The following SRC variants were observed in gnomAD, a reference collection of about 807,000 sequenced individuals.
SRC encodes the protein proto-oncogene tyrosine-protein kinase Src.
SRC carries 13 observed loss-of-function variants against 62.9 expected under a neutral mutation model. The observed-to-expected ratio is 0.21, with a 90% CI of 0.13 to 0.33. The LOEUF (loss-of-function observed/expected upper bound fraction) is 0.33, where lower values mean the gene tolerates loss of function less well. SRC is among the 10% of genes least tolerant of loss of function. The pLI is 1.00. For missense variants in SRC, 457 were observed against 737.3 expected (o/e 0.62, Z 4.40); for synonymous variants, 302 against 317.5 (o/e 0.95, Z 0.52).
At chr20:37,389,215 C>T (rs1286533156) in intron 5 of SRC, among the ~76,000 whole-genome samples, 1 of 152,146 alleles carries the variant, frequency 6.6e-6, no homozygotes, top group Non-Finnish European at 1.5e-5. Flanking sequence ...GGTCTGACTG[C>T]CTCAAGCTCC....
chr20:37,360,218 C>CTCTTTTTTTT (rs1273945378), intron 1 of SRC, among the ~76,000 whole-genome samples: 4 of 105,632 alleles, frequency 3.8e-5, no homozygotes, highest in African/African-American at 1.4e-4. Flanking sequence ...CTCTCTCTCT[C>CTCTTTTTTTT]TTTTTTTTTT....
intron 5 of SRC, among the ~76,000 whole-genome samples, chr20:37,388,918 A>C (rs1877934649): frequency 6.6e-6 from 1 of 152,098 alleles, no homozygotes; most frequent in Non-Finnish European, 1.5e-5. Context: ...TCCTTCCTCC[A>C]TCAGTGCTCA....
intron 5 of SRC, among the ~76,000 whole-genome samples, chr20:37,393,280 C>T (rs995414283): frequency 6.6e-6 from 1 of 152,208 alleles, no homozygotes; most frequent in Non-Finnish European, 1.5e-5. Context: ...GCCGAGGAGC[C>T]CTTTAGGTGT....
At chr20:37,358,620 A>G (rs984040331) in intron 1 of SRC, among the ~76,000 whole-genome samples, 23 of 152,308 alleles carry the variant, frequency 1.5e-4, no homozygotes, top group Non-Finnish European at 1.8e-4. Context: ...TTGGGAAGGG[A>G]TCCAGTCCCC....
At chr20:37,390,624 C>T (rs6094563) in intron 5 of SRC, among the ~76,000 whole-genome samples, 8,032 of 152,120 alleles carry the variant, frequency 0.053, 297 homozygotes, top group African/African-American at 0.11. Flanking sequence ...GGGCTGGTCT[C>T]GAACTCCTGA....
chr20:37,368,546 T>G (rs1600973318), intron 2 of SRC, among the ~76,000 whole-genome samples: 1 of 84,240 alleles, frequency 1.2e-5, no homozygotes, highest in African/African-American at 9.6e-5. Flanking sequence ...TTTTTTTTGT[T>G]TTTTTTTTTT....
Position 37,384,409 on chromosome 20 carries a change from TGCGCGGGCG to T in SRC, c.250+14_250+22del, listed in dbSNP as rs2070415183. The T allele has an allele frequency of 2.9e-6, 4 of 1,364,530 alleles. No individual in the cohort carries two copies. Among genetic ancestry groups the T allele is most frequent in the South Asian group, 1.7e-5 (1 of 57,300 alleles). The allele number at this position is 1,364,530 out of a possible 1,614,324, so 84.5% of individuals were successfully genotyped here. A position where few individuals can be genotyped will look rare whatever the true frequency, so the allele number is the denominator to read the frequency against. On this transcript the variant is annotated splice_region_variant and intron_variant, in intron 4 of 13. Coordinates refer to ENST00000373578, the MANE Select transcript of SRC (RefSeq NM_198291.3). This position sits in a 1 kb window ranked among gnomAD's most constrained non-coding sequence, Gnocchi z 6.7. ...GAGGGCGGGCCCGCTGGCCGGTCAGTGCGCGGGCGGCGCGGGGTCCTCGCCCACCTGGGG... is the reference window on the plus strand; with the variant it reads ...GAGGGCGGGCCCGCTGGCCGGTCAGTGCGCGGGGTCCTCGCCCACCTGGGG...
rs2070424443 is a variant in SRC, at chr20:37,384,741, G to T, written c.250+338G>T. Among the ~76,000 whole-genome samples, 1 of 152,116 alleles carries T rather than the reference G, an allele frequency of 6.6e-6. No homozygotes were observed. The highest frequency in any genetic ancestry group is 1.5e-5 in the Non-Finnish European group (1 of 68,008). On this transcript the variant is annotated intron_variant, in intron 4 of 13. Transcript: ENST00000373578. This position sits in a 1 kb window ranked among gnomAD's most constrained non-coding sequence, Gnocchi z 6.7. Reference sequence around the variant, plus strand: ...CAGTCCTTTTTCGTTGCCTGGGTCCGCCCAGAGATGAGTCGGGACGCGCGG... The same window carrying T: ...CAGTCCTTTTTCGTTGCCTGGGTCCTCCCAGAGATGAGTCGGGACGCGCGG...
intron 7 of SRC, among the ~76,000 whole-genome samples, chr20:37,395,577 G>A (rs2070631436): frequency 6.6e-6 from 1 of 152,242 alleles, no homozygotes; most frequent in East Asian, 1.9e-4. Flanking sequence ...GCCACACCCA[G>A]CCCGTGGTCT....
intron 9 of SRC, among the ~76,000 whole-genome samples, chr20:37,399,570 G>T (rs1377721673): frequency 2.0e-5 from 3 of 150,528 alleles, no homozygotes; most frequent in African/African-American, 4.9e-5. Context: ...TTTTAGACAG[G>T]ATCTCACTCT....
In SRC at chr20:37,402,832, G is replaced by A; in HGVS notation, c.1354G>A (p.Gly452Arg). 1 of 1,614,000 alleles carries A rather than the reference G, an allele frequency of 6.2e-7. No individual in the cohort carries two copies. Among genetic ancestry groups the A allele is most frequent in the Non-Finnish European group, 8.5e-7 (1 of 1,180,002 alleles). Residue 452 changes from glycine to arginine, a missense_variant, in exon 13 of 14, where the codon GGG becomes AGG. This residue lies in a region of SRC where 168 missense variants were observed against 357.8 expected (regional missense o/e 0.47). Coordinates refer to ENST00000373578, the MANE Select transcript of SRC (RefSeq NM_198291.3). This position sits in a 1 kb window ranked among gnomAD's most constrained non-coding sequence, Gnocchi z 6.2. ...CATCAAGTCGGACGTGTGGTCCTTC[G>A]GGATCCTGCTGACTGAGCTCACCAC... ...FTIKSDVWSFGILLTELTTKG... is the reference protein window; with the variant it reads ...FTIKSDVWSFRILLTELTTKG...
At chr20:37,363,292 C>A (rs1172475492) in intron 1 of SRC, among the ~76,000 whole-genome samples, 1 of 152,210 alleles carries the variant, frequency 6.6e-6, no homozygotes, top group African/African-American at 2.4e-5. Context: ...TTCCCCGGGC[C>A]CCCTCGTGCC....
intron 1 of SRC, among the ~76,000 whole-genome samples, chr20:37,349,683 T>C (rs1306647656): frequency 6.6e-6 from 1 of 152,178 alleles, no homozygotes; most frequent in Non-Finnish European, 1.5e-5. Context: ...GTCAAGCCCT[T>C]GCCTGGGTGA....
intron 2 of SRC, among the ~76,000 whole-genome samples, chr20:37,371,098 C>T (rs1455931749): frequency 9.2e-5 from 14 of 151,598 alleles, no homozygotes. Flanking sequence ...AAGCAATTCT[C>T]CTGCTTCAGC....
At chr20:37,345,923 G>A (rs893506730), upstream of SRC, among the ~76,000 whole-genome samples, 1 of 150,562 alleles carries the variant, frequency 6.6e-6, no homozygotes. Context: ...CACCCCGCCC[G>A]GACCCCCAGC....
chr20:37,384,533 C>G lies in SRC; in HGVS notation c.250+130C>G. 436 of 488,992 alleles carry G rather than the reference C, an allele frequency of 8.9e-4. No homozygotes were observed. Among genetic ancestry groups the G allele is most frequent in the Middle Eastern group, 1.5e-3 (2 of 1,360 alleles). The allele number at this position is 488,992 out of a possible 1,614,324, so 30.3% of individuals were successfully genotyped here. On this transcript the variant is annotated intron_variant, in intron 4 of 13. Coordinates refer to ENST00000373578, the MANE Select transcript of SRC (RefSeq NM_198291.3). The surrounding 1 kb of genome is among the most constrained non-coding windows in gnomAD (Gnocchi z 6.7). ...CGCCAGGGGTAGCGCCCCTGGGTGA[C>G]TTGGGTGTCCGGGGGGTGGGGGGGC...
In SRC at chr20:37,402,822, G is replaced by GC; in HGVS notation, c.1344_1345insC (p.Trp449LeufsTer9). On this transcript the variant is annotated frameshift_variant, in exon 13 of 14. Transcript: ENST00000373578. LOFTEE classifies it high-confidence loss of function. This position sits in a 1 kb window ranked among gnomAD's most constrained non-coding sequence, Gnocchi z 6.2. ...GCCGCTTCACCATCAAGTCGGACGT[G>GC]TGGTCCTTCGGGATCCTGCTGACTG... The GC allele has an allele frequency of 6.2e-7, 1 of 1,614,080 alleles. No homozygotes were observed. Among genetic ancestry groups the GC allele is most frequent in the Admixed American group, 1.7e-5 (1 of 60,012 alleles).
At chr20:37,346,490 G>A (rs916688018) in intron 1 of SRC, among the ~76,000 whole-genome samples, 1 of 152,004 alleles carries the variant, frequency 6.6e-6, no homozygotes, top group East Asian at 1.9e-4. Context: ...GGGCGGGGGG[G>A]GCGCAGGGTT....
intron 1 of SRC, among the ~76,000 whole-genome samples, chr20:37,353,217 C>T (rs2069832864): frequency 6.6e-6 from 1 of 152,132 alleles, no homozygotes; most frequent in Non-Finnish European, 1.5e-5. Context: ...AAACTGTGAC[C>T]TCAAATCAGG....
Sources: gnomAD v4.1 joint callset for allele counts (sites outside exome capture counted in the v4.1 genomes callset) on GRCh38, gnomAD v4.1.1 for gene constraint, gnomAD v4.1.1 regional missense constraint, Gnocchi (gnomAD v3.1) non-coding constraint, MANE v1.5 for transcripts, NCBI Gene and HGNC (gene_info 2026-07-23, HGNC 2026-07-21) for gene names.